The following CSMD1 variants were observed in gnomAD, a reference collection of about 807,000 sequenced individuals.
CSMD1 encodes CUB and Sushi multiple domains 1.
Under a neutral mutation model 417.5 loss-of-function variants are expected in CSMD1, and 213 were observed. The ratio of observed to expected loss-of-function variants is 0.51; its 90% CI spans 0.46 to 0.57. CSMD1 has a LOEUF of 0.57. Among genes scored for constraint, CSMD1 ranks in the 20% least tolerant of loss-of-function variants. The pLI is 0.00. For missense variants in CSMD1, 6,923 were observed against 4,529.7 expected, an observed-to-expected ratio of 1.53 and a Z score of -15.17; for synonymous variants, 2,862 against 1,736.8, an observed-to-expected ratio of 1.65 and a Z score of -16.11.
rs970800165 is a variant in CSMD1, at chr8:3,877,971, T to G, written c.818+119932A>C. On this transcript the variant is annotated intron_variant, in intron 5 of 69. Transcript: ENST00000635120. ...ACATCAAGGTCATGCAAAGTTTTTT[T>G]TTTTTTAAACTTAAACTGAATGTAA... 2.6e-5 allele frequency among the ~76,000 whole-genome samples: 4 copies of G among 152,170 alleles called. No homozygotes were observed. The South Asian group carries it at 8.3e-4, about 31-fold the overall frequency.
chr8:3,106,429 A>G (rs760032619), intron 46 of CSMD1, 99 bp downstream of exon 46: 5 of 655,992 alleles, frequency 7.6e-6, no homozygotes, highest in Non-Finnish European at 1.3e-5. Flanking sequence ...AAACAAATAA[A>G]TAAGTTCACA....
At chr8:3,531,505 G>C (rs1797979805) in intron 10 of CSMD1, among the ~76,000 whole-genome samples, 1 of 152,078 alleles carries the variant, frequency 6.6e-6, no homozygotes, top group Non-Finnish European at 1.5e-5. Flanking sequence ...AATGCCCCAG[G>C]GTAGCATAAA....
intron 3 of CSMD1, among the ~76,000 whole-genome samples, chr8:4,080,390 T>C (rs1186179744): frequency 4.6e-5 from 7 of 152,186 alleles, no homozygotes; most frequent in Admixed American, 1.3e-4. Flanking sequence ...ATTCTACATA[T>C]TGAATTTCCA....
chr8:4,028,604 G>A (rs1040102002), intron 4 of CSMD1, among the ~76,000 whole-genome samples: 2 of 152,168 alleles, frequency 1.3e-5, no homozygotes, highest in African/African-American at 4.8e-5. Flanking sequence ...TTGCAGTGGA[G>A]CCTGTAAATT....
intron 2 of CSMD1, among the ~76,000 whole-genome samples, chr8:4,422,848 T>C (rs1247235301): frequency 1.3e-5 from 2 of 152,084 alleles, no homozygotes; most frequent in Admixed American, 6.6e-5. Flanking sequence ...TGGTGTTTAT[T>C]AGAGGAATGT....
chr8:4,463,134 A>G (rs11136745), intron 2 of CSMD1, among the ~76,000 whole-genome samples: 26,461 of 152,198 alleles, frequency 0.17, 2,483 homozygotes, highest in African/African-American at 0.24. Context: ...CAATAATCGA[A>G]TAGACGCTGC....
chr8:4,479,025 G>C (rs1800949142), intron 2 of CSMD1, among the ~76,000 whole-genome samples: 1 of 152,254 alleles, frequency 6.6e-6, no homozygotes, highest in South Asian at 2.1e-4. Flanking sequence ...AATTCCTAGG[G>C]AAGATAACAC....
chr8:4,173,864 C>A (rs894509048), intron 3 of CSMD1, among the ~76,000 whole-genome samples: 6 of 152,142 alleles, frequency 3.9e-5, no homozygotes, highest in African/African-American at 7.2e-5. Flanking sequence ...GAAGTCTCTT[C>A]TCTCCGGGTT....
chr8:4,097,197 G>C (rs745393755), intron 3 of CSMD1, among the ~76,000 whole-genome samples: 50 of 152,222 alleles, frequency 3.3e-4, no homozygotes, highest in Non-Finnish European at 5.4e-4. Flanking sequence ...ATTGCTGATT[G>C]AATGAATCAA....
chr8:4,041,981 A>T (rs972657581), intron 3 of CSMD1, among the ~76,000 whole-genome samples: 1 of 152,150 alleles, frequency 6.6e-6, no homozygotes, highest in African/African-American at 2.4e-5. Flanking sequence ...AAAAAGAAAG[A>T]TTTCCAAGCA....
chr8:4,402,786 G>A (rs961000927), intron 3 of CSMD1, among the ~76,000 whole-genome samples: 63 of 137,642 alleles, frequency 4.6e-4, no homozygotes, highest in African/African-American at 1.6e-3. Flanking sequence ...TGAGTATAAT[G>A]TCCTCACTTT....
intron 11 of CSMD1, among the ~76,000 whole-genome samples, chr8:3,469,970 T>C (rs180829199): frequency 1.1e-4 from 17 of 152,364 alleles, no homozygotes; most frequent in Admixed American, 1.1e-3. Flanking sequence ...TTTTTTTCTT[T>C]CTTTCTTATT....
In CSMD1 at chr8:4,762,970, C is replaced by T. The variant is rs189688034; in HGVS notation, c.86-125412G>A. On this transcript the variant is annotated intron_variant, in intron 1 of 69. Coordinates refer to ENST00000635120, the MANE Select transcript of CSMD1 (RefSeq NM_033225.6). Reference sequence around the variant, plus strand: ...GCTTATATTTCTCAATATCTGGTGGCGTGTGGGAGGAGACAGATAAGGAAG... The same window carrying T: ...GCTTATATTTCTCAATATCTGGTGGTGTGTGGGAGGAGACAGATAAGGAAG... 4.4e-3 allele frequency among the ~76,000 whole-genome samples: 675 copies of T among 152,116 alleles called. 1 individual carries two copies. The highest frequency in any genetic ancestry group is 0.015 in the African/African-American group (643 of 41,484).
chr8:4,037,502 C>T (rs868743805), intron 3 of CSMD1, among the ~76,000 whole-genome samples: 5 of 152,188 alleles, frequency 3.3e-5, no homozygotes, highest in Non-Finnish European at 5.9e-5. Context: ...TTTACCTTAA[C>T]ATCTTGACAC....
intron 3 of CSMD1, among the ~76,000 whole-genome samples, chr8:4,360,724 G>A (rs943614315): frequency 1.3e-5 from 2 of 152,056 alleles, no homozygotes; most frequent in African/African-American, 4.8e-5. Flanking sequence ...CCGATCTCCT[G>A]ACCTCGTGAT....
intron 41 of CSMD1, among the ~76,000 whole-genome samples, chr8:3,138,742 G>A (rs890042581): frequency 1.3e-5 from 2 of 152,152 alleles, no homozygotes; most frequent in East Asian, 1.9e-4. Flanking sequence ...TATTTCAGAG[G>A]GGCAAGTGAG....
intron 50 of CSMD1, among the ~76,000 whole-genome samples, chr8:3,031,841 G>A (rs1179549170): frequency 6.9e-6 from 1 of 145,438 alleles, no homozygotes; most frequent in Non-Finnish European, 1.5e-5. Context: ...TCTTAGGCTA[G>A]TTTGATTATT....
chr8:3,307,112 A>T (rs542014463), intron 25 of CSMD1, among the ~76,000 whole-genome samples: 1 of 152,288 alleles, frequency 6.6e-6, no homozygotes, highest in South Asian at 2.1e-4. Flanking sequence ...TTCCTATTAA[A>T]AGAACAGTAG....
chr8:3,624,550 A>C (rs1796403179), intron 7 of CSMD1, among the ~76,000 whole-genome samples: 1 of 152,228 alleles, frequency 6.6e-6, no homozygotes, highest in African/African-American at 2.4e-5. Flanking sequence ...CAGTTGGATC[A>C]GTTTTGAGAC....
Sources: gnomAD v4.1 joint callset for allele counts (sites outside exome capture counted in the v4.1 genomes callset) on GRCh38, gnomAD v4.1.1 for gene constraint, MANE v1.5 for transcripts, NCBI Gene and HGNC (gene_info 2026-07-23, HGNC 2026-07-21) for gene names.